The following ADK variants were observed in gnomAD, a reference collection of about 807,000 sequenced individuals.
The protein encoded by ADK is adenosine kinase.
In ADK, 24 loss-of-function variants were observed where a neutral mutation model predicts 44.7. The ratio of observed to expected loss-of-function variants is 0.54; its 90% CI spans 0.39 to 0.76. The LOEUF (loss-of-function observed/expected upper bound fraction) is 0.76. Among genes scored for constraint, ADK ranks in the 30% least tolerant of loss-of-function variants. The pLI is 0.00. For missense variants in ADK, 321 were observed against 425.1 expected (o/e 0.76, Z 2.15); for synonymous variants, 128 against 142.6 (o/e 0.90, Z 0.73).
At chr10:74,409,130 TAA>T (rs1414722492) in intron 6 of ADK, among the ~76,000 whole-genome samples, 1 of 152,236 alleles carries the variant, frequency 6.6e-6, no homozygotes, top group Non-Finnish European at 1.5e-5. Flanking sequence ...TAATTTTTTG[TAA>T]TTTCTTAGTC....
rs150430189 is a variant in ADK, at chr10:74,553,142, G to A, written c.726+27716G>A. Reference sequence around the variant, plus strand: ...AAAGAGTTGTGCAAGAAGATTCATAGCAGCAAACAGGCATGTTCATTAACA... The same window carrying A: ...AAAGAGTTGTGCAAGAAGATTCATAACAGCAAACAGGCATGTTCATTAACA... On this transcript the variant is annotated intron_variant, in intron 7 of 10. Transcript: ENST00000539909. Among the ~76,000 whole-genome samples, 728 of 147,496 alleles carry A rather than the reference G, an allele frequency of 4.9e-3. 10 individuals carry two copies. The highest frequency in any genetic ancestry group is 0.017 in the African/African-American group (684 of 40,090).
intron 1 of ADK, among the ~76,000 whole-genome samples, chr10:74,169,975 T>C (rs983763135): frequency 6.6e-6 from 1 of 152,226 alleles, no homozygotes; most frequent in African/African-American, 2.4e-5. Context: ...AATAAAGTTA[T>C]TGGTAAGTCC....
chr10:74,627,194 A>C (rs1853237992), intron 9 of ADK, among the ~76,000 whole-genome samples: 1 of 152,120 alleles, frequency 6.6e-6, no homozygotes, highest in Non-Finnish European at 1.5e-5. Flanking sequence ...TAATCAAAAA[A>C]AAAAGCTTTC....
intron 7 of ADK, among the ~76,000 whole-genome samples, chr10:74,545,376 G>A (rs1266954040): frequency 6.6e-6 from 1 of 152,060 alleles, no homozygotes; most frequent in Non-Finnish European, 1.5e-5. Context: ...TTTTAAGCTG[G>A]GCCTCAATTC....
intron 7 of ADK, among the ~76,000 whole-genome samples, chr10:74,576,591 G>T (rs1851191426): frequency 6.6e-6 from 1 of 152,110 alleles, no homozygotes. Context: ...AAAGACTGAG[G>T]TTGGTGACCC....
intron 6 of ADK, among the ~76,000 whole-genome samples, chr10:74,465,863 G>A (rs1846335505): frequency 6.6e-6 from 1 of 152,026 alleles, no homozygotes; most frequent in South Asian, 2.1e-4. Context: ...ATAAGTGATA[G>A]GTTTTACTAA....
intron 6 of ADK, among the ~76,000 whole-genome samples, chr10:74,435,011 C>G (rs1845134413): frequency 6.6e-6 from 1 of 152,126 alleles, no homozygotes; most frequent in Non-Finnish European, 1.5e-5. Context: ...TAAAAAATAA[C>G]TTGGCCTTCA....
At chr10:74,359,748 C>T (rs567975637) in intron 4 of ADK, among the ~76,000 whole-genome samples, 9 of 152,174 alleles carry the variant, frequency 5.9e-5, no homozygotes, top group African/African-American at 2.2e-4. Flanking sequence ...AGGAAAAAAA[C>T]ATTTTAACAA....
intron 10 of ADK, among the ~76,000 whole-genome samples, chr10:74,698,350 G>A (rs1856280433): frequency 1.3e-5 from 2 of 152,196 alleles, no homozygotes; most frequent in African/African-American, 4.8e-5. Context: ...TCTCTTGGCT[G>A]TGTTGAAAAG....
At chr10:74,637,129 G>A (rs1853646167) in intron 9 of ADK, among the ~76,000 whole-genome samples, 1 of 152,182 alleles carries the variant, frequency 6.6e-6, no homozygotes, top group Admixed American at 6.5e-5. Context: ...ATAACTTATA[G>A]ACACTTTTCA....
At chr10:74,349,876 A>G (rs1313484082) in intron 4 of ADK, among the ~76,000 whole-genome samples, 4 of 152,222 alleles carry the variant, frequency 2.6e-5, no homozygotes, top group South Asian at 2.1e-4. Context: ...TCGTAAATAT[A>G]TATGCACCCA....
At chr10:74,189,642 T>A (rs1842890837) in intron 1 of ADK, among the ~76,000 whole-genome samples, 1 of 152,204 alleles carries the variant, frequency 6.6e-6, no homozygotes, top group Non-Finnish European at 1.5e-5. Context: ...ATTGCACAGC[T>A]CAGTAGTTTT....
chr10:74,527,812 A>C, intron 7 of ADK: 1 of 1,394,744 alleles, frequency 7.2e-7, no homozygotes, highest in African/African-American at 1.4e-5. Context: ...AGCGATCCTT[A>C]ATAGAGTGGC....
At chr10:74,347,666 T>C (rs954534760) in intron 4 of ADK, among the ~76,000 whole-genome samples, 1 of 152,152 alleles carries the variant, frequency 6.6e-6, no homozygotes, top group Non-Finnish European at 1.5e-5. Flanking sequence ...TAAGAACCAC[T>C]GGCTTAACAT....
intron 9 of ADK, among the ~76,000 whole-genome samples, chr10:74,646,096 A>G (rs1854045098): frequency 6.6e-6 from 1 of 152,238 alleles, no homozygotes; most frequent in Non-Finnish European, 1.5e-5. Context: ...AACTTCATCA[A>G]TAATTGTATA....
At chr10:74,681,652 C>CG (rs1855603662) in intron 10 of ADK, among the ~76,000 whole-genome samples, 1 of 151,680 alleles carries the variant, frequency 6.6e-6, no homozygotes, top group Non-Finnish European at 1.5e-5. Context: ...TCGAGACCAC[C>CG]GGCCAACACA....
intron 4 of ADK, among the ~76,000 whole-genome samples, chr10:74,322,476 CATT>C (rs1413118865): frequency 1.3e-5 from 2 of 152,104 alleles, no homozygotes; most frequent in Non-Finnish European, 2.9e-5. Flanking sequence ...TGTGATACCT[CATT>C]ATAGTTTTTA....
Position 74,151,315 on chromosome 10 carries a change from C to T in ADK, c.37C>T (p.Leu13=), listed in dbSNP as rs1418073207. ...TGAGGAGGAGCCGAAGCCCAAAAAG[C>T]TGAAGGTGGAGGCGCCGCAAGCGCT... is the stretch of plus-strand genomic sequence containing the variant. ...AAEEEPKPKK[L]KVEAPQALRE... The change falls in exon 1 of 11, where the codon CTG becomes TTG. Residue 13 remains leucine (L), a synonymous_variant. Transcript: ENST00000539909. 6.5e-7 allele frequency: 1 copy of T among 1,549,526 alleles called. No homozygotes were observed. The highest frequency in any genetic ancestry group is 8.7e-7 in the Non-Finnish European group (1 of 1,146,832).
At chr10:74,514,155 T>C (rs1848466517) in intron 6 of ADK, among the ~76,000 whole-genome samples, 1 of 152,240 alleles carries the variant, frequency 6.6e-6, no homozygotes, top group Admixed American at 6.5e-5. Context: ...GACTATAGGA[T>C]TTCTGCTGAG....
Sources: allele counts gnomAD v4.1 joint callset (sites outside exome capture counted in the v4.1 genomes callset), GRCh38; gene constraint gnomAD v4.1.1; transcripts MANE v1.5; gene names NCBI Gene and HGNC (gene_info 2026-07-23, HGNC 2026-07-21).